ADGRL3: variants seen among roughly 807,000 people sequenced by gnomAD.
ADGRL3 encodes the protein adhesion G protein-coupled receptor L3.
ADGRL3 carries 62 observed loss-of-function variants against 153.5 expected under a neutral mutation model. That is an observed-to-expected ratio of 0.40 (90% CI 0.33 to 0.50). The LOEUF is 0.50. Among genes scored for constraint, ADGRL3 ranks in the 20% least tolerant of loss-of-function variants. The pLI is 0.47. For synonymous variants in ADGRL3, 710 were observed against 672.5 expected, an observed-to-expected ratio of 1.06 and a Z score of -0.86; for missense variants, 1,641 against 1,859.4, an observed-to-expected ratio of 0.88 and a Z score of 2.16.
At chr4:61,441,857 A>G (rs2097532187) in intron 2 of ADGRL3, among the ~76,000 whole-genome samples, 2 of 152,320 alleles carry the variant, frequency 1.3e-5, no homozygotes, top group African/African-American at 4.8e-5. Flanking sequence ...TGTTCATAAT[A>G]TTCTTTTCAA....
intron 2 of ADGRL3, among the ~76,000 whole-genome samples, chr4:61,432,336 A>G (rs2097365036): frequency 6.6e-6 from 1 of 152,168 alleles, no homozygotes; most frequent in South Asian, 2.1e-4. Context: ...TACTTCTGCC[A>G]TGCAGTTAGA....
chr4:61,365,919 T>C, intron 1 of ADGRL3, among the ~76,000 whole-genome samples: 1 of 152,202 alleles, frequency 6.6e-6, no homozygotes, highest in East Asian at 1.9e-4. Flanking sequence ...GGAGGAAAGA[T>C]ATTTATGGGG....
chr4:61,705,280 G>A (rs1316642631), intron 6 of ADGRL3, among the ~76,000 whole-genome samples: 2 of 151,962 alleles, frequency 1.3e-5, no homozygotes, highest in African/African-American at 4.8e-5. Flanking sequence ...GTGTTAGCAG[G>A]AATGAAAACA....
chr4:61,757,549 G>T (rs113728427), intron 8 of ADGRL3, among the ~76,000 whole-genome samples: 2 of 151,750 alleles, frequency 1.3e-5, no homozygotes, highest in Admixed American at 6.6e-5. Flanking sequence ...TATCAATTTT[G>T]TTGATCTTTT....
At chr4:61,661,479 A>G (rs986521090) in intron 5 of ADGRL3, among the ~76,000 whole-genome samples, 1 of 152,104 alleles carries the variant, frequency 6.6e-6, no homozygotes, top group Non-Finnish European at 1.5e-5. Flanking sequence ...GCATTCTCCT[A>G]AGTAACATAT....
chr4:61,497,060 T>A, intron 2 of ADGRL3, 61 bp from the exon 3 acceptor site: 1 of 499,348 alleles, frequency 2.0e-6, no homozygotes, highest in Non-Finnish European at 3.5e-6. Flanking sequence ...ATTGTATAAA[T>A]AATGTCTTTG....
chr4:61,826,702 G>A (rs2097805172), intron 9 of ADGRL3, among the ~76,000 whole-genome samples: 1 of 152,076 alleles, frequency 6.6e-6, no homozygotes, highest in Non-Finnish European at 1.5e-5. Flanking sequence ...GCTACACGGT[G>A]GAGAATGACT....
chr4:61,559,878 A>G (rs933421954), intron 4 of ADGRL3, among the ~76,000 whole-genome samples: 1 of 152,230 alleles, frequency 6.6e-6, no homozygotes, highest in Admixed American at 6.5e-5. Flanking sequence ...GAGAAGAAAT[A>G]AACTATGATG....
chr4:61,761,373 T>C (rs1196769817), intron 8 of ADGRL3, among the ~76,000 whole-genome samples: 1 of 152,106 alleles, frequency 6.6e-6, no homozygotes, highest in African/African-American at 2.4e-5. Flanking sequence ...ACAAGGACAG[T>C]TTGGAGGTTA....
At chr4:61,985,748 G>A (rs992038974) in intron 19 of ADGRL3, among the ~76,000 whole-genome samples, 13 of 152,026 alleles carry the variant, frequency 8.6e-5, no homozygotes, top group South Asian at 4.1e-4. Context: ...ACTTATTCCC[G>A]TTGAGTCCTT....
At chr4:61,384,019 A>C (rs916472500) in intron 2 of ADGRL3, among the ~76,000 whole-genome samples, 4 of 151,916 alleles carry the variant, frequency 2.6e-5, no homozygotes, top group African/African-American at 9.7e-5. Flanking sequence ...AAATGATTTA[A>C]GTTCATTTCA....
intron 19 of ADGRL3, among the ~76,000 whole-genome samples, chr4:61,987,928 TATA>T (rs1274245101): frequency 6.6e-6 from 1 of 152,076 alleles, no homozygotes; most frequent in Non-Finnish European, 1.5e-5. Context: ...AAATCTTTAA[TATA>T]ATAATAATAC....
chr4:61,986,737 A>T (rs1560469901), intron 19 of ADGRL3, among the ~76,000 whole-genome samples: 8 of 152,224 alleles, frequency 5.3e-5, no homozygotes, highest in Admixed American at 1.3e-4. Flanking sequence ...ATTATATCAC[A>T]GGGGGGCATA....
intron 4 of ADGRL3, among the ~76,000 whole-genome samples, chr4:61,559,982 CA>C (rs916222426): frequency 6.6e-6 from 1 of 151,966 alleles, no homozygotes; most frequent in African/African-American, 2.4e-5. Context: ...GATCCTTAAC[CA>C]TCCCCCACAT....
chr4:61,827,009 T>G (rs940388666), intron 9 of ADGRL3, among the ~76,000 whole-genome samples: 2 of 152,156 alleles, frequency 1.3e-5, no homozygotes, highest in Non-Finnish European at 2.9e-5. Context: ...ACACTAGTTA[T>G]AGTCCCGTGG....
chr4:61,937,605 G>T (rs549434815), intron 15 of ADGRL3, among the ~76,000 whole-genome samples: 5 of 151,954 alleles, frequency 3.3e-5, no homozygotes, highest in Middle Eastern at 3.4e-3. Context: ...TTTCTTCATA[G>T]CATTTATTCA....
At chr4:61,373,189 C>G (rs6824929) in intron 1 of ADGRL3, among the ~76,000 whole-genome samples, 91,293 of 152,046 alleles carry the variant, frequency 0.6, 27,874 homozygotes, top group Middle Eastern at 0.78. Context: ...CACCCGTCTT[C>G]GTCGCTCAGG....
intron 1 of ADGRL3, among the ~76,000 whole-genome samples, chr4:61,324,917 A>C (rs1392977824): frequency 6.6e-6 from 1 of 152,340 alleles, no homozygotes; most frequent in East Asian, 1.9e-4. Flanking sequence ...TCATTAACTT[A>C]TTATATTAAA....
At chr4:61,624,675 G>T (rs1560954370) in intron 5 of ADGRL3, among the ~76,000 whole-genome samples, 1 of 151,978 alleles carries the variant, frequency 6.6e-6, no homozygotes, top group Non-Finnish European at 1.5e-5. Context: ...TTTATATAGA[G>T]TTTAATTGTT....
Sources: gnomAD v4.1 joint callset for allele counts (sites outside exome capture counted in the v4.1 genomes callset) on GRCh38, gnomAD v4.1.1 for gene constraint, MANE v1.5 for transcripts, NCBI Gene and HGNC (gene_info 2026-07-23, HGNC 2026-07-21) for gene names.